The following PTP4A1 variants were observed in gnomAD, a reference collection of about 807,000 sequenced individuals.
PTP4A1 encodes protein tyrosine phosphatase 4A1, also known as protein tyrosine phosphatase type IVA 1.
PTP4A1 carries 9 observed loss-of-function variants against 20.5 expected under a neutral mutation model. That is an observed-to-expected ratio of 0.44 (90% CI 0.26 to 0.77). The LOEUF (loss-of-function observed/expected upper bound fraction) is 0.77. Ranked by LOEUF, PTP4A1 falls within the 30% of genes least tolerant of loss-of-function variation. The pLI is 0.19. For missense variants in PTP4A1, 137 were observed against 218.8 expected (o/e 0.63, Z 2.36); for synonymous variants, 78 against 67.4 (o/e 1.16, Z -0.77).
intron 5 of PTP4A1, among the ~76,000 whole-genome samples, chr6:63,579,709 T>C (rs999096487): frequency 6.6e-6 from 1 of 152,174 alleles, no homozygotes; most frequent in African/African-American, 2.4e-5. Context: ...ATATTTTGAG[T>C]GCTGTAGAAC....
intron 3 of PTP4A1, among the ~76,000 whole-genome samples, chr6:63,551,711 G>T (rs924401291): frequency 1.0e-5 from 1 of 98,292 alleles, no homozygotes; most frequent in African/African-American, 4.1e-5. Flanking sequence ...AACAGGCCCC[G>T]GTGTGTGATG....
At chr6:63,538,933 C>G (rs751323783) in intron 2 of PTP4A1, among the ~76,000 whole-genome samples, 2 of 152,128 alleles carry the variant, frequency 1.3e-5, no homozygotes, top group Non-Finnish European at 2.9e-5. Flanking sequence ...CACTCTGTCA[C>G]CCAGGCTGCA....
At chr6:63,518,432 C>A (rs1774809126), upstream of PTP4A1, among the ~76,000 whole-genome samples, 2 of 151,944 alleles carry the variant, frequency 1.3e-5, no homozygotes, top group Admixed American at 1.3e-4. Context: ...TTTGGACATC[C>A]CCAGGGCAAA....
chr6:63,550,102 G>A (rs953809240), intron 2 of PTP4A1, among the ~76,000 whole-genome samples: 5 of 152,062 alleles, frequency 3.3e-5, no homozygotes, highest in African/African-American at 9.7e-5. Flanking sequence ...AACTTGAAAC[G>A]TTTAAACAGA....
chr6:63,573,911 C>T (rs905412815), intron 1 of PTP4A1, among the ~76,000 whole-genome samples: 1 of 152,130 alleles, frequency 6.6e-6, no homozygotes, highest in Admixed American at 6.5e-5. Flanking sequence ...TTAGAACTAT[C>T]CCTGAGCTCT....
chr6:63,554,691 GC>G (rs1273102297), intron 3 of PTP4A1, among the ~76,000 whole-genome samples: 1 of 152,132 alleles, frequency 6.6e-6, no homozygotes, highest in African/African-American at 2.4e-5. Context: ...AGAGGCTGAG[GC>G]ACAAGAGTCC....
chr6:63,520,772 CAG>C (rs1774890964), upstream of PTP4A1, among the ~76,000 whole-genome samples: 1 of 151,994 alleles, frequency 6.6e-6, no homozygotes, highest in African/African-American at 2.4e-5. Flanking sequence ...TGATTAGTGT[CAG>C]AGTTACTGTT....
chr6:63,545,621 A>G lies in PTP4A1; in HGVS notation c.-639-4679A>G, dbSNP rs192908787. Among the ~76,000 whole-genome samples, 1,161 of 152,002 alleles carry G rather than the reference A, an allele frequency of 7.6e-3. 20 individuals carry two copies. Among genetic ancestry groups the G allele is most frequent in the African/African-American group, 0.027 (1,122 of 41,506 alleles). ...GCAAGACTCTGTCTCAAAAAAAAAA[A>G]GGAAGAAAGAAAGAAATTTCCAATC... is the stretch of plus-strand genomic sequence containing the variant. On this transcript the variant is annotated intron_variant, in intron 2 of 3. Transcript: ENST00000639568.
intron 2 of PTP4A1, among the ~76,000 whole-genome samples, chr6:63,532,390 T>C (rs1037610061): frequency 1.3e-5 from 2 of 152,188 alleles, no homozygotes; most frequent in African/African-American, 4.8e-5. Context: ...GAATCTCCTC[T>C]ATGCTCACAT....
Position 63,531,926 on chromosome 6 carries a change from G to C in PTP4A1, c.-640+3842G>C, listed in dbSNP as rs141581380. 8.8e-3 allele frequency among the ~76,000 whole-genome samples: 1,325 copies of C among 151,130 alleles called. 22 individuals are homozygous for C. Among genetic ancestry groups the C allele is most frequent in the African/African-American group, 0.031 (1,253 of 41,072 alleles). On this transcript the variant is annotated intron_variant, in intron 2 of 3. Transcript: ENST00000639568. Reference sequence around the variant, plus strand: ...AAGCAATTCTCTGCCTCAGCCTCCCGAGTAGCTGGAATTACAGGCATCCAC... The same window carrying C: ...AAGCAATTCTCTGCCTCAGCCTCCCCAGTAGCTGGAATTACAGGCATCCAC...
chr6:63,577,064 C>A, intron 2 of PTP4A1, 79 bp downstream of exon 2: 2 of 1,162,076 alleles, frequency 1.7e-6, no homozygotes, highest in Non-Finnish European at 1.2e-6. Context: ...ATAAAAACTA[C>A]TTTGGAAAAA....
chr6:63,572,079 G>A (rs961224047), upstream of PTP4A1: 2 of 152,290 alleles, frequency 1.3e-5, no homozygotes, highest in Non-Finnish European at 2.9e-5. Context: ...GCCCTAGAAG[G>A]ATTGCATTTT....
At chr6:63,558,191 A>G (rs1776772736) in intron 3 of PTP4A1, among the ~76,000 whole-genome samples, 1 of 152,176 alleles carries the variant, frequency 6.6e-6, no homozygotes, top group Non-Finnish European at 1.5e-5. Context: ...TTTAAAATGC[A>G]GGGTGGATTA....
rs181051315 is a variant in PTP4A1, at chr6:63,544,224, G to A, written c.-639-6076G>A. Among the ~76,000 whole-genome samples the A allele has an allele frequency of 3.7e-3, 564 of 152,212 alleles. 3 individuals carry two copies. Among genetic ancestry groups the A allele is most frequent in the Non-Finnish European group, 6.7e-3 (459 of 68,000 alleles). ...TCTTTGATGTAATTTGAGATATGAAGAAAAGATGCAAGAAAAATATAAAGA... is the reference window on the plus strand; with the variant it reads ...TCTTTGATGTAATTTGAGATATGAAAAAAAGATGCAAGAAAAATATAAAGA... On this transcript the variant is annotated intron_variant, in intron 2 of 3. Transcript: ENST00000639568.
chr6:63,561,452 G>T (rs1163045103), intron 3 of PTP4A1, among the ~76,000 whole-genome samples: 1 of 152,206 alleles, frequency 6.6e-6, no homozygotes, highest in East Asian at 1.9e-4. Context: ...TCCCTAGACA[G>T]TGCCTGATAA....
At chr6:63,533,001 C>T (rs920761436) in intron 2 of PTP4A1, among the ~76,000 whole-genome samples, 1 of 152,180 alleles carries the variant, frequency 6.6e-6, no homozygotes, top group South Asian at 2.1e-4. Flanking sequence ...TATCACCAGA[C>T]ACTGCCTTTG....
upstream of PTP4A1, among the ~76,000 whole-genome samples, chr6:63,519,057 G>A (rs1253894490): frequency 6.6e-6 from 1 of 152,194 alleles, no homozygotes; most frequent in Admixed American, 6.5e-5. Flanking sequence ...GCTCACGCCT[G>A]TAATCCCAAC....
chr6:63,572,192 T>A (rs1445644546), upstream of PTP4A1: 1 of 155,246 alleles, frequency 6.4e-6, no homozygotes, highest in Non-Finnish European at 1.4e-5. Context: ...TTCCAGTCGA[T>A]AAATCGGAAT....
Position 63,550,582 on chromosome 6 carries a change from T to C in PTP4A1, c.-446+89T>C, listed in dbSNP as rs532883417. On this transcript the variant is annotated intron_variant, in intron 3 of 3. Transcript: ENST00000639568. ...GGTGCATATGTGATTAGGAGGTTTG[T>C]TTTTTAACATTTCTATAGTGATATT... 2.0e-5 allele frequency: 3 copies of C among 152,248 alleles called. No homozygotes were observed. The South Asian group carries it at 6.2e-4, about 32-fold the overall frequency. The allele number at this position is 152,248 out of a possible 1,614,324, so 9.4% of individuals were successfully genotyped here. A position where few individuals can be genotyped will look rare whatever the true frequency, so the allele number is the denominator to read the frequency against.
Sources: gnomAD v4.1 joint callset for allele counts (sites outside exome capture counted in the v4.1 genomes callset) on GRCh38, gnomAD v4.1.1 for gene constraint, MANE v1.5 for transcripts, NCBI Gene and HGNC (gene_info 2026-07-23, HGNC 2026-07-21) for gene names.